The following GLRA1 variants were observed in gnomAD, a reference collection of about 807,000 sequenced individuals.
GLRA1 encodes glycine receptor subunit alpha-1.
A neutral mutation model predicts 48.3 loss-of-function variants in GLRA1; 37 were observed. The ratio of observed to expected loss-of-function variants is 0.77; its 90% CI spans 0.59 to 1.01. GLRA1 has a LOEUF of 1.01. Among genes scored for constraint, GLRA1 ranks in the 50% least tolerant of loss-of-function variants. The pLI, the probability that GLRA1 is intolerant of heterozygous loss-of-function variation, is 0.00. For synonymous variants in GLRA1, 196 were observed against 210.7 expected (o/e 0.93, Z 0.60); for missense variants, 427 against 571.0 (o/e 0.75, Z 2.57).
intron 3 of GLRA1, among the ~76,000 whole-genome samples, chr5:151,879,863 A>C (rs1483057452): frequency 6.6e-6 from 1 of 152,216 alleles, no homozygotes; most frequent in Non-Finnish European, 1.5e-5. Flanking sequence ...GTCCCCACTG[A>C]AATCTCATCT....
At chr5:151,825,274 C>T (rs1763244367) in intron 8 of GLRA1, among the ~76,000 whole-genome samples, 1 of 152,094 alleles carries the variant, frequency 6.6e-6, no homozygotes, top group African/African-American at 2.4e-5. Context: ...GAAAATCTCC[C>T]CTTGCTGGAG....
intron 3 of GLRA1, among the ~76,000 whole-genome samples, chr5:151,881,819 A>C (rs554777504): frequency 1.4e-4 from 21 of 152,256 alleles, no homozygotes; most frequent in Admixed American, 6.5e-4. Flanking sequence ...CGGTGAATAA[A>C]GCCAGGTCCT....
intron 1 of GLRA1, among the ~76,000 whole-genome samples, chr5:151,897,575 C>T (rs1754253804): frequency 6.6e-6 from 1 of 151,978 alleles, no homozygotes; most frequent in African/African-American, 2.4e-5. Context: ...TTTTCTATTC[C>T]TTACTGAGAA....
intron 3 of GLRA1, among the ~76,000 whole-genome samples, chr5:151,866,988 G>A (rs1365375292): frequency 1.3e-5 from 2 of 152,278 alleles, no homozygotes; most frequent in African/African-American, 4.8e-5. Context: ...GTGCACGACT[G>A]TAGTCCCAGC....
At chr5:151,902,884 C>T (rs1754396779) in intron 1 of GLRA1, among the ~76,000 whole-genome samples, 1 of 152,180 alleles carries the variant, frequency 6.6e-6, no homozygotes, top group African/African-American at 2.4e-5. Flanking sequence ...TATCCAGGTT[C>T]ACCTGACCTT....
In GLRA1 at chr5:151,848,706, G is replaced by C. The variant is rs960425155; in HGVS notation, c.912+2684C>G. Among the ~76,000 whole-genome samples the C allele has an allele frequency of 2.0e-5, 3 of 152,336 alleles. No individual in the cohort carries two copies. The South Asian group carries it at 6.2e-4, about 32-fold the overall frequency. On this transcript the variant is annotated intron_variant, in intron 7 of 8. Coordinates refer to ENST00000274576, the MANE Select transcript of GLRA1 (RefSeq NM_000171.4). ...TATGTTCTTTCCCCCTGATGAGCTA[G>C]CTGTATCTTCTGAATATGTTGCTGT...
At chr5:151,913,651 G>A (rs1319128528) in intron 1 of GLRA1, among the ~76,000 whole-genome samples, 1 of 152,190 alleles carries the variant, frequency 6.6e-6, no homozygotes, top group Non-Finnish European at 1.5e-5. Context: ...CAAACATGGT[G>A]TTTAGAATAA....
chr5:151,868,984 A>G (rs923242723), intron 3 of GLRA1, among the ~76,000 whole-genome samples: 4 of 152,196 alleles, frequency 2.6e-5, no homozygotes, highest in African/African-American at 4.8e-5. Context: ...GGACCAGTGG[A>G]GCTTAGCATC....
At position 151,894,492 on chromosome 5, in the gene GLRA1, C is replaced by G. The variant is rs147320129; in HGVS notation, c.57-2054G>C. Among the ~76,000 whole-genome samples the G allele has an allele frequency of 1.7e-3, 253 of 152,270 alleles. 1 individual carries two copies. The highest frequency in any genetic ancestry group is 0.014 in the East Asian group (73 of 5,180). ...AGTTTCCCCAGATGACGTCAATATA[C>G]TTCCACTCTCTAGGATTAGACGCCT... On this transcript the variant is annotated intron_variant, in intron 1 of 8. Coordinates refer to ENST00000274576, the MANE Select transcript of GLRA1 (RefSeq NM_000171.4).
rs564205086 is a variant in GLRA1, at chr5:151,887,741, G to A, written c.185-953C>T. Among the ~76,000 whole-genome samples, 4 of 152,316 alleles carry A rather than the reference G, an allele frequency of 2.6e-5. No homozygotes were observed. The South Asian group carries it at 8.3e-4, about 32-fold the overall frequency. ...TCACGATCACACAGACAGTGGCAGA[G>A]TCCAGAATTTTCAGCACTGGGTTTC... On this transcript the variant is annotated intron_variant, in intron 2 of 8. Coordinates refer to ENST00000274576, the MANE Select transcript of GLRA1 (RefSeq NM_000171.4).
chr5:151,878,606 C>G (rs536314556), intron 3 of GLRA1, among the ~76,000 whole-genome samples: 65 of 152,290 alleles, frequency 4.3e-4, no homozygotes, highest in African/African-American at 1.5e-3. Context: ...AGCCCAGGGT[C>G]CCTGTGCTGT....
intron 4 of GLRA1, 137 bp downstream of exon 4, chr5:151,859,648 C>A: frequency 1.4e-6 from 1 of 693,420 alleles, no homozygotes; most frequent in South Asian, 1.6e-5. Context: ...AGAGCTGGGT[C>A]TACCTATTCT....
intron 1 of GLRA1, among the ~76,000 whole-genome samples, chr5:151,920,391 G>T (rs1021662433): frequency 1.3e-5 from 2 of 152,142 alleles, no homozygotes; most frequent in Non-Finnish European, 2.9e-5. Flanking sequence ...TTCTCTTCCC[G>T]CTGCACCACA....
In GLRA1 at chr5:151,842,640, T is replaced by C. The variant is rs550683987; in HGVS notation, c.912+8750A>G. ...ATCTATGTAAAACCCACAGCTAACC[T>C]CAGTTTTCAGTGAAAAACTGAAAGC... On this transcript the variant is annotated intron_variant, in intron 7 of 8. Coordinates refer to ENST00000274576, the MANE Select transcript of GLRA1 (RefSeq NM_000171.4). Among the ~76,000 whole-genome samples, 55 of 152,290 alleles carry C rather than the reference T, an allele frequency of 3.6e-4. 1 individual carries two copies. In the South Asian group the frequency reaches 0.011, roughly 30 times the overall value.
At chr5:151,913,433 A>G (rs1581664544) in intron 1 of GLRA1, among the ~76,000 whole-genome samples, 2 of 152,212 alleles carry the variant, frequency 1.3e-5, no homozygotes, top group East Asian at 3.8e-4. Flanking sequence ...CTTATGGACA[A>G]TGAGAAATCC....
At chr5:151,900,970 A>C (rs985501818) in intron 1 of GLRA1, among the ~76,000 whole-genome samples, 1 of 152,234 alleles carries the variant, frequency 6.6e-6, no homozygotes, top group Non-Finnish European at 1.5e-5. Context: ...AGCTTAATTT[A>C]GCTGTGCAGC....
At chr5:151,832,963 C>G (rs996378351) in intron 7 of GLRA1, among the ~76,000 whole-genome samples, 2 of 152,162 alleles carry the variant, frequency 1.3e-5, no homozygotes, top group African/African-American at 2.4e-5. Flanking sequence ...GGCAGAAACC[C>G]TACAAGCCAG....
intron 1 of GLRA1, among the ~76,000 whole-genome samples, chr5:151,920,940 G>T (rs58283737): frequency 0.016 from 2,481 of 152,200 alleles, 89 homozygotes; most frequent in African/African-American, 0.057. Flanking sequence ...CTTTCAACTG[G>T]GTAGGTTTTT....
chr5:151,922,053 T>C lies in GLRA1; in HGVS notation c.56+2441A>G, dbSNP rs141753781. Among the ~76,000 whole-genome samples the C allele has an allele frequency of 2.8e-3, 427 of 152,344 alleles. 3 individuals carry two copies. The highest frequency in any genetic ancestry group is 9.8e-3 in the African/African-American group (409 of 41,596). Reference sequence around the variant, plus strand: ...GTTGTTATTGCCATTTCGCTGGTTATGTGCTGATGCAGCATGTCTGTTATT... The same window carrying C: ...GTTGTTATTGCCATTTCGCTGGTTACGTGCTGATGCAGCATGTCTGTTATT... On this transcript the variant is annotated intron_variant, in intron 1 of 8. Transcript: ENST00000274576.
Sources: gnomAD v4.1 joint callset for allele counts (sites outside exome capture counted in the v4.1 genomes callset) on GRCh38, gnomAD v4.1.1 for gene constraint, MANE v1.5 for transcripts, NCBI Gene and HGNC (gene_info 2026-07-23, HGNC 2026-07-21) for gene names.